Variants in HEXB observed in about 807,000 individuals in gnomAD.
The protein encoded by HEXB is hexosaminidase subunit beta, also known as beta-hexosaminidase subunit beta.
In HEXB, 51 loss-of-function variants were observed where a neutral mutation model predicts 71.2. The ratio of observed to expected loss-of-function variants is 0.72; its 90% CI spans 0.57 to 0.90. The LOEUF (loss-of-function observed/expected upper bound fraction) is 0.90. Among genes scored for constraint, HEXB ranks in the 40% least tolerant of loss-of-function variants. The pLI is 0.00. For synonymous variants in HEXB, 266 were observed against 249.3 expected, an observed-to-expected ratio of 1.07 and a Z score of -0.63; for missense variants, 617 against 677.0, an observed-to-expected ratio of 0.91 and a Z score of 0.98.
rs545207575 is a variant in HEXB at position 74,698,265 on chromosome 5, C to T, written c.669+1159C>T. On this transcript the variant is annotated intron_variant, in intron 5 of 13. Transcript: ENST00000261416. ...GCTAATTTTGCATTTTTAGTAGAGA[C>T]GGGGTTTCTCCATGTTGAGGCTGGT... 1.0e-3 allele frequency among the ~76,000 whole-genome samples: 158 copies of T among 150,966 alleles called. 1 individual carries two copies. The highest frequency in any genetic ancestry group is 3.2e-3 in the African/African-American group (133 of 41,140).
At chr5:74,720,586 A>G in intron 12 of HEXB, 57 bp from the exon 13 acceptor site, 1 of 1,597,794 alleles carries the variant, frequency 6.3e-7, no homozygotes, top group Non-Finnish European at 8.6e-7. Flanking sequence ...TCTAAACACA[A>G]AAGTGCTAAA....
At chr5:74,667,296 G>C (rs1272751572) in intron 1 of HEXB, among the ~76,000 whole-genome samples, 1 of 151,978 alleles carries the variant, frequency 6.6e-6, no homozygotes. Flanking sequence ...GTGCATGCCT[G>C]TAACCCCAGC....
chr5:74,648,437 CA>C (rs1235019819), intron 1 of HEXB, among the ~76,000 whole-genome samples: 1 of 152,220 alleles, frequency 6.6e-6, no homozygotes, highest in Non-Finnish European at 1.5e-5. Flanking sequence ...AGGAAAGGTG[CA>C]GTCCCCTGAC....
rs1223539462 is a variant in HEXB at position 74,718,785 on chromosome 5, T to G, written c.1243-12T>G. 1 of 1,613,682 alleles carries G rather than the reference T, an allele frequency of 6.2e-7. No homozygotes were observed. The highest frequency in any genetic ancestry group is 1.3e-5 in the African/African-American group (1 of 74,916). On this transcript the variant is annotated splice_polypyrimidine_tract_variant and intron_variant, in intron 10 of 13. Transcript: ENST00000261416. ...GCCTAATAATATGTATTGCAATTTGTAACGTTAATAGCTTGCGCCGGGCAC... is the reference window on the plus strand; with the variant it reads ...GCCTAATAATATGTATTGCAATTTGGAACGTTAATAGCTTGCGCCGGGCAC...
chr5:74,640,697 C>G (rs909058909), intron 1 of HEXB: 2 of 152,644 alleles, frequency 1.3e-5, no homozygotes, highest in African/African-American at 4.8e-5. Context: ...CACCGCCGCA[C>G]CGCCTCCTCT....
intron 11 of HEXB, 169 bp from the exon 12 acceptor site, chr5:74,720,259 G>T: frequency 3.1e-6 from 2 of 650,942 alleles, no homozygotes; most frequent in Non-Finnish European, 5.6e-6. Context: ...GGGGGAAGAG[G>T]AGGGGCCATC....
intron 2 of HEXB, among the ~76,000 whole-genome samples, chr5:74,693,181 C>T (rs934433952): frequency 2.6e-5 from 4 of 152,114 alleles, no homozygotes; most frequent in Non-Finnish European, 4.4e-5. Flanking sequence ...TAGATTTGAG[C>T]GACACCTAGG....
upstream of HEXB, among the ~76,000 whole-genome samples, chr5:74,684,165 T>C (rs560355046): frequency 8.5e-5 from 13 of 152,192 alleles, no homozygotes; most frequent in Non-Finnish European, 1.8e-4. Flanking sequence ...TCTTCCACCC[T>C]CATTTTCAGA....
At chr5:74,684,160 C>T (rs1748794968), upstream of HEXB, among the ~76,000 whole-genome samples, 2 of 152,296 alleles carry the variant, frequency 1.3e-5, no homozygotes, top group African/African-American at 4.8e-5. Context: ...AAAGCTCTTC[C>T]ACCCTCATTT....
Position 74,659,822 on chromosome 5 carries a change from G to A in HEXB, c.-377+19264G>A, listed in dbSNP as rs376084789. ...AAATTGAATTTTGATGAGAATAAAT[G>A]AAATTTAAACCTTAAAACTTTGCTA... is the stretch of plus-strand genomic sequence containing the variant. On this transcript the variant is annotated intron_variant, in intron 1 of 13. Transcript: ENST00000511181. 5.9e-5 allele frequency among the ~76,000 whole-genome samples: 9 copies of A among 152,278 alleles called. No individual in the cohort carries two copies. The East Asian group carries it at 1.7e-3, about 29-fold the overall frequency.
At chr5:74,720,243 G>T (rs1365288622) in intron 11 of HEXB, 185 bp from the exon 12 acceptor site, 6 of 617,702 alleles carry the variant, frequency 9.7e-6, no homozygotes, top group Non-Finnish European at 1.7e-5. Context: ...CATTTTTTTG[G>T]GGGGTGGGGG....
chr5:74,692,269 C>T (rs989895796), intron 2 of HEXB, among the ~76,000 whole-genome samples: 5 of 146,310 alleles, frequency 3.4e-5, no homozygotes, highest in African/African-American at 5.1e-5. Flanking sequence ...AGGCTGAGGC[C>T]GGTAGATGGC....
At chr5:74,644,691 C>A (rs1048463941) in intron 1 of HEXB, among the ~76,000 whole-genome samples, 11 of 148,358 alleles carry the variant, frequency 7.4e-5, no homozygotes, top group African/African-American at 2.5e-4. Context: ...TATCTTTGTG[C>A]GTTAAAAAAA....
chr5:74,663,191 T>TGG lies in HEXB; in HGVS notation c.-377+22639_-377+22640dup, dbSNP rs58551007. On this transcript the variant is annotated intron_variant, in intron 1 of 13. Coordinates refer to the HEXB transcript ENST00000511181. ...CTCTTTCTTTCTTTTTCCTTTTTTT[T>TGG]GGGGGGGTGGAGTGCGGTGGCGGAG... Among the ~76,000 whole-genome samples, 146 of 131,702 alleles carry TGG rather than the reference T, an allele frequency of 1.1e-3. 3 individuals are homozygous for TGG. In the South Asian group the frequency reaches 0.013, roughly 12 times the overall value. The allele number at this position is 131,702 out of a possible 152,430, so 86.4% of individuals were successfully genotyped here.
chr5:74,643,948 T>G (rs1041636862), intron 1 of HEXB, among the ~76,000 whole-genome samples: 2 of 152,190 alleles, frequency 1.3e-5, no homozygotes, highest in African/African-American at 4.8e-5. Flanking sequence ...TAGCACAGCT[T>G]TCCTTCCCCG....
upstream of HEXB, among the ~76,000 whole-genome samples, chr5:74,681,108 G>C (rs1748729973): frequency 1.3e-5 from 2 of 151,982 alleles, no homozygotes; most frequent in Admixed American, 6.6e-5. Flanking sequence ...TCTAAAATGG[G>C]GACAATAAAA....
chr5:74,718,995 T>G, intron 11 of HEXB, 24 bp downstream of exon 11: 1 of 1,611,632 alleles, frequency 6.2e-7, no homozygotes, highest in Non-Finnish European at 8.5e-7. Context: ...TTGGTCCAAG[T>G]GTTGTGGGTT....
intron 6 of HEXB, among the ~76,000 whole-genome samples, chr5:74,711,836 C>T (rs1162739768): frequency 1.3e-5 from 2 of 151,556 alleles, no homozygotes; most frequent in African/African-American, 4.8e-5. Flanking sequence ...ACTGTTGGGA[C>T]TGTAAACTAG....
rs1172289714 is a variant in HEXB, at chr5:74,693,714, A to G, written c.511+10A>G. ...TGGGGAGCATTACGAGGTAAGTTCC[A>G]TGCAGTTTCATTGTTACTTTCCAGT... is the stretch of plus-strand genomic sequence containing the variant. On this transcript the variant is annotated intron_variant, in intron 3 of 13. Coordinates refer to ENST00000261416, the MANE Select transcript of HEXB (RefSeq NM_000521.4). The G allele has an allele frequency of 6.2e-7, 1 of 1,601,174 alleles. No homozygotes were observed.
Sources: gnomAD v4.1 joint callset for allele counts (sites outside exome capture counted in the v4.1 genomes callset) on GRCh38, gnomAD v4.1.1 for gene constraint, MANE v1.5 for transcripts, NCBI Gene and HGNC (gene_info 2026-07-23, HGNC 2026-07-21) for gene names.